PHACTR1: variants seen among roughly 807,000 people sequenced by gnomAD.
The protein encoded by PHACTR1 is phosphatase and actin regulator 1.
A neutral mutation model predicts 69.2 loss-of-function variants in PHACTR1; 16 were observed. The observed-to-expected ratio is 0.23, with a 90% CI of 0.16 to 0.35. PHACTR1 has a LOEUF of 0.35. Among genes scored for constraint, PHACTR1 ranks in the 10% least tolerant of loss-of-function variants. The probability of loss-of-function intolerance (pLI) is 1.00; values close to 1 mark genes in which losing one functional copy is unlikely to be tolerated. For synonymous variants in PHACTR1, 312 were observed against 284.5 expected (o/e 1.10, Z -0.97); for missense variants, 510 against 734.7 (o/e 0.69, Z 3.54).
intron 4 of PHACTR1, among the ~76,000 whole-genome samples, chr6:12,969,779 T>G (rs1050559987): frequency 4.6e-5 from 7 of 152,106 alleles, no homozygotes; most frequent in Admixed American, 1.3e-4. Context: ...CTGGCCAACA[T>G]GGTGAAACCC....
chr6:12,862,876 A>T (rs17679417), intron 4 of PHACTR1, among the ~76,000 whole-genome samples: 31,230 of 152,130 alleles, frequency 0.21, 3,705 homozygotes, highest in Middle Eastern at 0.35. Flanking sequence ...GGCCAGGAAG[A>T]CCCCTCTGCA....
At chr6:12,717,793 T>C (rs1485101904) in intron 2 of PHACTR1, 50 bp downstream of exon 2, 1 of 152,216 alleles carries the variant, frequency 6.6e-6, no homozygotes, top group Non-Finnish European at 1.5e-5. Context: ...AAAAGTTTTG[T>C]CTTACCGGAC....
At chr6:13,056,006 C>G (rs1806727128) in intron 5 of PHACTR1, among the ~76,000 whole-genome samples, 1 of 152,150 alleles carries the variant, frequency 6.6e-6, no homozygotes, top group Admixed American at 6.5e-5. Flanking sequence ...GTTTTGTTTT[C>G]TTAGAGACAT....
In PHACTR1 at chr6:13,287,251, A is replaced by G. The variant is rs1344284174; in HGVS notation, c.*173A>G. The G allele has an allele frequency of 5.1e-5, 36 of 712,330 alleles. No individual in the cohort carries two copies. The highest frequency in any genetic ancestry group is 4.5e-4 in the South Asian group (23 of 51,066). The allele number at this position is 712,330 out of a possible 1,614,324, so 44.1% of individuals were successfully genotyped here. A position where few individuals can be genotyped will look rare whatever the true frequency, so the allele number is the denominator to read the frequency against. ...TCAGGATTTTATGTGTGAAAACGCA[A>G]AAGTGATGGCTCGGCGGTCCGAGCT... On this transcript the variant is annotated 3_prime_UTR_variant, in exon 15 of 15. Transcript: ENST00000332995.
At chr6:12,919,298 A>G (rs767446505) in intron 4 of PHACTR1, among the ~76,000 whole-genome samples, 31 of 151,680 alleles carry the variant, frequency 2.0e-4, no homozygotes, top group Non-Finnish European at 3.2e-4. Flanking sequence ...ACGCACCACC[A>G]TGTCCAGCTA....
intron 4 of PHACTR1, among the ~76,000 whole-genome samples, chr6:12,794,862 C>A (rs772964118): frequency 1.3e-5 from 2 of 152,042 alleles, no homozygotes; most frequent in Non-Finnish European, 2.9e-5. Flanking sequence ...AGAGGGGAGG[C>A]AGGGGCCAGA....
intron 4 of PHACTR1, among the ~76,000 whole-genome samples, chr6:12,844,941 A>C (rs1469626192): frequency 6.6e-6 from 1 of 152,222 alleles, no homozygotes; most frequent in Non-Finnish European, 1.5e-5. Context: ...CAGCAAGTAT[A>C]AACATAAATG....
chr6:13,009,891 C>G (rs1799248936), intron 4 of PHACTR1, among the ~76,000 whole-genome samples: 1 of 129,860 alleles, frequency 7.7e-6, no homozygotes, highest in Non-Finnish European at 1.7e-5. Flanking sequence ...ACCACCACCA[C>G]CCTCTGCCCC....
intron 4 of PHACTR1, among the ~76,000 whole-genome samples, chr6:12,814,966 A>G (rs1444125269): frequency 6.6e-6 from 1 of 152,194 alleles, no homozygotes; most frequent in East Asian, 1.9e-4. Flanking sequence ...GACAAAATGA[A>G]GACTAATTTT....
chr6:13,209,519 G>A (rs888387378), intron 8 of PHACTR1, among the ~76,000 whole-genome samples: 4 of 152,204 alleles, frequency 2.6e-5, no homozygotes, highest in Admixed American at 1.3e-4. Flanking sequence ...ATAGGCCATC[G>A]GTCCAGATGG....
chr6:13,109,296 T>G (rs9473486), intron 5 of PHACTR1, among the ~76,000 whole-genome samples: 1 of 151,728 alleles, frequency 6.6e-6, no homozygotes, highest in African/African-American at 2.4e-5. Flanking sequence ...GCCCTAAAAA[T>G]CTTCCTCTAA....
intron 4 of PHACTR1, among the ~76,000 whole-genome samples, chr6:13,033,179 T>C (rs1802730254): frequency 6.6e-6 from 1 of 152,210 alleles, no homozygotes; most frequent in Non-Finnish European, 1.5e-5. Context: ...TTACACAAAA[T>C]TGCCTTTAAA....
At chr6:12,745,756 A>T (rs372359840) in intron 3 of PHACTR1, among the ~76,000 whole-genome samples, 25 of 152,390 alleles carry the variant, frequency 1.6e-4, no homozygotes, top group South Asian at 1.2e-3. Flanking sequence ...AAGAATAGCT[A>T]CAAATAACAC....
At chr6:12,829,419 A>C (rs1290650248) in intron 4 of PHACTR1, among the ~76,000 whole-genome samples, 1 of 152,162 alleles carries the variant, frequency 6.6e-6, no homozygotes, top group Non-Finnish European at 1.5e-5. Context: ...GGTACAAGAC[A>C]AAGGAGTTTT....
intron 7 of PHACTR1, among the ~76,000 whole-genome samples, chr6:13,189,098 G>A (rs1249312912): frequency 3.9e-5 from 6 of 152,180 alleles, no homozygotes; most frequent in South Asian, 2.1e-4. Context: ...TGTGGCAGGT[G>A]CCCCCGGCAT....
intron 5 of PHACTR1, among the ~76,000 whole-genome samples, chr6:13,153,695 T>C (rs557350583): frequency 4.6e-5 from 7 of 152,344 alleles, no homozygotes; most frequent in Non-Finnish European, 4.4e-5. Context: ...TTTCTAAAGA[T>C]CAGGGAGTTG....
In PHACTR1 at chr6:13,264,394, A is replaced by G. The variant is rs187551540; in HGVS notation, c.1392-8466A>G. On this transcript the variant is annotated intron_variant, in intron 10 of 14. Coordinates refer to ENST00000332995, the MANE Select transcript of PHACTR1 (RefSeq NM_030948.6). Reference sequence around the variant, plus strand: ...CCACCATCTAATCTGGATTATTTCCATTAAACATGCCCCATTTTCATCCAT... The same window carrying G: ...CCACCATCTAATCTGGATTATTTCCGTTAAACATGCCCCATTTTCATCCAT... 7.7e-4 allele frequency among the ~76,000 whole-genome samples: 117 copies of G among 152,218 alleles called. 1 individual carries two copies. The highest frequency in any genetic ancestry group is 1.3e-3 in the Non-Finnish European group (87 of 68,012).
At chr6:12,743,279 C>G (rs1329261992) in intron 3 of PHACTR1, among the ~76,000 whole-genome samples, 4 of 151,860 alleles carry the variant, frequency 2.6e-5, no homozygotes. Flanking sequence ...TAATTTTTCT[C>G]TCTCCAGTCT....
At chr6:13,105,252 A>G (rs1273955918) in intron 5 of PHACTR1, among the ~76,000 whole-genome samples, 1 of 152,122 alleles carries the variant, frequency 6.6e-6, no homozygotes, top group African/African-American at 2.4e-5. Flanking sequence ...GGTGATGCAC[A>G]CCTGTACTCC....
Sources: gnomAD v4.1 joint callset for allele counts (sites outside exome capture counted in the v4.1 genomes callset) on GRCh38, gnomAD v4.1.1 for gene constraint, MANE v1.5 for transcripts, NCBI Gene and HGNC (gene_info 2026-07-23, HGNC 2026-07-21) for gene names.